Variants in VPS13B observed in about 807,000 individuals in gnomAD.
VPS13B encodes vacuolar protein sorting 13 homolog B, also known as intermembrane lipid transfer protein VPS13B.
A neutral mutation model predicts 426.4 loss-of-function variants in VPS13B; 285 were observed. The observed-to-expected ratio is 0.67, with a 90% CI of 0.61 to 0.74. The LOEUF is 0.74. VPS13B is among the 30% of genes least tolerant of loss of function. The pLI, the probability that VPS13B is intolerant of heterozygous loss-of-function variation, is 0.00. For synonymous variants in VPS13B, 1,676 were observed against 1,676.4 expected, an observed-to-expected ratio of 1.00 and a Z score of 0.01; for missense variants, 4,537 against 4,782.6, an observed-to-expected ratio of 0.95 and a Z score of 1.51.
intron 23 of VPS13B, among the ~76,000 whole-genome samples, chr8:99,446,487 A>G (rs1295934329): frequency 1.3e-5 from 2 of 152,056 alleles, no homozygotes; most frequent in East Asian, 1.9e-4. Context: ...GGCATAATCT[A>G]TTCAGATATT....
At chr8:99,631,149 C>G (rs567176791) in intron 33 of VPS13B, among the ~76,000 whole-genome samples, 2 of 152,098 alleles carry the variant, frequency 1.3e-5, no homozygotes, top group East Asian at 3.9e-4. Flanking sequence ...TCTCCTTTTC[C>G]CCTTCTCCAA....
At position 99,053,690 on chromosome 8, in the gene VPS13B, T is replaced by TC. The variant is rs1371233153; in HGVS notation, c.291+15125dup. On this transcript the variant is annotated intron_variant, in intron 3 of 61. Coordinates refer to ENST00000357162, the MANE Select transcript of VPS13B (RefSeq NM_152564.5). ...TTTTTTTTTCCTTTTTTTTTTTTTT[T>TC]CTTGCTTACAACTCTTTTTTTTTTG... Among the ~76,000 whole-genome samples the TC allele has an allele frequency of 2.7e-5, 4 of 150,204 alleles. No homozygotes were observed. The East Asian group carries it at 7.8e-4, about 29-fold the overall frequency.
intron 42 of VPS13B, among the ~76,000 whole-genome samples, chr8:99,780,433 CT>C (rs1487802346): frequency 6.6e-6 from 1 of 152,116 alleles, no homozygotes; most frequent in Non-Finnish European, 1.5e-5. Flanking sequence ...TAAAAATACT[CT>C]CTTAGACACA....
intron 31 of VPS13B, among the ~76,000 whole-genome samples, chr8:99,572,642 T>C (rs890068664): frequency 4.6e-5 from 7 of 152,256 alleles, no homozygotes; most frequent in Non-Finnish European, 8.8e-5. Flanking sequence ...CTCATCATTT[T>C]TATGGCTGCA....
chr8:99,099,399 G>T (rs1174224885), intron 4 of VPS13B, among the ~76,000 whole-genome samples: 1 of 152,058 alleles, frequency 6.6e-6, no homozygotes, highest in African/African-American at 2.4e-5. Flanking sequence ...GTCATCAACC[G>T]TGGCATTTCT....
chr8:99,726,334 T>G (rs1203038181), intron 39 of VPS13B, among the ~76,000 whole-genome samples: 1 of 152,168 alleles, frequency 6.6e-6, no homozygotes, highest in African/African-American at 2.4e-5. Flanking sequence ...GCCACCAACC[T>G]AGGAGTGTTG....
chr8:99,101,389 C>G (rs1194981858), intron 4 of VPS13B, among the ~76,000 whole-genome samples: 1 of 152,158 alleles, frequency 6.6e-6, no homozygotes, highest in African/African-American at 2.4e-5. Context: ...GCCTTGGCCT[C>G]CCAAAGTGCT....
At position 99,308,308 on chromosome 8, in the gene VPS13B, T is replaced by C. The variant is rs186392957; in HGVS notation, c.2824+33054T>C. ...ACTCGTCATTTACATTAGGTATATC[T>C]CCTAATGCTATCTCTCCCCTCTCCC... On this transcript the variant is annotated intron_variant, in intron 19 of 61. Transcript: ENST00000357162. Among the ~76,000 whole-genome samples the C allele has an allele frequency of 3.6e-3, 553 of 152,266 alleles. 2 individuals carry two copies. The highest frequency in any genetic ancestry group is 6.6e-3 in the Non-Finnish European group (452 of 68,016).
rs183501718 is a variant in VPS13B, at chr8:99,238,007, C to A, written c.2516-36191C>A. On this transcript the variant is annotated intron_variant, in intron 17 of 61. Coordinates refer to ENST00000357162, the MANE Select transcript of VPS13B (RefSeq NM_152564.5). Reference sequence around the variant, plus strand: ...ACTACCAGTAAGCTTCTGTAATAGGCCTCTAGGCAGTCCCAGTTCCTTCCT... The same window carrying A: ...ACTACCAGTAAGCTTCTGTAATAGGACTCTAGGCAGTCCCAGTTCCTTCCT... Among the ~76,000 whole-genome samples the A allele has an allele frequency of 2.0e-5, 3 of 152,088 alleles. No individual in the cohort carries two copies. The East Asian group carries it at 5.8e-4, about 29-fold the overall frequency.
chr8:99,609,654 T>G (rs1181995833), intron 33 of VPS13B, among the ~76,000 whole-genome samples: 1 of 152,212 alleles, frequency 6.6e-6, no homozygotes, highest in East Asian at 1.9e-4. Flanking sequence ...CAAAAATGTC[T>G]TATGTGTACT....
At chr8:99,146,958 T>C (rs938457148) in intron 13 of VPS13B, among the ~76,000 whole-genome samples, 12 of 152,174 alleles carry the variant, frequency 7.9e-5, no homozygotes, top group African/African-American at 2.9e-4. Flanking sequence ...AACTGTTTTA[T>C]GAGGTTGTCT....
intron 31 of VPS13B, among the ~76,000 whole-genome samples, chr8:99,564,827 G>C (rs1053930111): frequency 1.8e-4 from 27 of 152,170 alleles, no homozygotes; most frequent in African/African-American, 6.0e-4. Context: ...GTAGAACCTT[G>C]GTTTCCTTCC....
intron 30 of VPS13B, among the ~76,000 whole-genome samples, chr8:99,546,019 A>C (rs1294748413): frequency 6.6e-6 from 1 of 152,118 alleles, no homozygotes; most frequent in African/African-American, 2.4e-5. Context: ...ATCATACATT[A>C]AGAGATTTTA....
In VPS13B at chr8:99,277,400, A is replaced by G. The variant is rs571775920; in HGVS notation, c.2824+2146A>G. ...GGCTTAGGTATTTATGATATGGTTT[A>G]GAGAGCTCATAAGTACTATTTTTAT... On this transcript the variant is annotated intron_variant, in intron 19 of 61. Transcript: ENST00000357162. Among the ~76,000 whole-genome samples, 177 of 152,282 alleles carry G rather than the reference A, an allele frequency of 1.2e-3. 1 individual carries two copies. The highest frequency in any genetic ancestry group is 2.2e-3 in the Non-Finnish European group (149 of 67,974).
chr8:99,661,446 C>T lies in VPS13B; in HGVS notation c.6001C>T (p.Pro2001Ser), dbSNP rs1036679031. Residue 2001 changes from proline to serine, a missense_variant, in exon 35 of 62, where the codon CCT (proline) becomes TCT (serine). Physicochemically the swap from Pro to Ser is moderately conservative, Grantham distance 74 (BLOSUM62 -1). Transcript: ENST00000357162. ...AATAGACAGCAAAAGTGGTATTCCA[C>T]CTTCCTTTATAACACTACAGATTAA... Reference protein sequence around the residue: ...GEIDSKSGIPPSFITLQIKDF... With the variant: ...GEIDSKSGIPSSFITLQIKDF... The T allele has an allele frequency of 1.2e-6, 2 of 1,613,460 alleles. No individual in the cohort carries two copies. Among genetic ancestry groups the T allele is most frequent in the Non-Finnish European group, 1.7e-6 (2 of 1,179,790 alleles).
At chr8:99,085,110 G>C (rs1465463636) in intron 3 of VPS13B, among the ~76,000 whole-genome samples, 2 of 152,118 alleles carry the variant, frequency 1.3e-5, no homozygotes, top group Non-Finnish European at 2.9e-5. Flanking sequence ...AGGTCTCTAA[G>C]GACTTGCTTT....
At chr8:99,555,327 T>A (rs1824496345) in intron 30 of VPS13B, among the ~76,000 whole-genome samples, 1 of 152,078 alleles carries the variant, frequency 6.6e-6, no homozygotes, top group African/African-American at 2.4e-5. Flanking sequence ...ATAAACTGAA[T>A]CAGATTTTGC....
intron 36 of VPS13B, 38 bp from the exon 37 acceptor site, chr8:99,717,133 A>G (rs1832957966): frequency 6.4e-7 from 1 of 1,550,822 alleles, no homozygotes; most frequent in Non-Finnish European, 8.9e-7. Context: ...TTTTTTTGAT[A>G]AGGATGAATT....
At chr8:99,854,287 G>A (rs776052621) in intron 56 of VPS13B, 31 bp downstream of exon 56, 1 of 1,605,164 alleles carries the variant, frequency 6.2e-7, no homozygotes, top group Non-Finnish European at 8.5e-7. Context: ...TCTGTGATGA[G>A]CTAGAGCCCG....
Sources: allele counts gnomAD v4.1 joint callset (sites outside exome capture counted in the v4.1 genomes callset), GRCh38; gene constraint gnomAD v4.1.1; transcripts MANE v1.5; gene names NCBI Gene and HGNC (gene_info 2026-07-23, HGNC 2026-07-21).